The following RBFOX1 variants were observed in gnomAD, a reference collection of about 807,000 sequenced individuals.
RBFOX1 encodes RNA binding protein fox-1 homolog 1.
Under a neutral mutation model 57.7 loss-of-function variants are expected in RBFOX1, and 8 were observed. The ratio of observed to expected loss-of-function variants is 0.14; its 90% CI spans 0.08 to 0.25. The LOEUF is 0.25. Ranked by LOEUF, RBFOX1 falls within the 10% of genes least tolerant of loss-of-function variation. RBFOX1 has a pLI of 1.00. For synonymous variants in RBFOX1, 326 were observed against 222.4 expected, an observed-to-expected ratio of 1.47 and a Z score of -4.15; for missense variants, 611 against 548.5, an observed-to-expected ratio of 1.11 and a Z score of -1.14.
At chr16:6,842,034 A>T (rs1007868041) in intron 3 of RBFOX1, among the ~76,000 whole-genome samples, 5 of 151,670 alleles carry the variant, frequency 3.3e-5, no homozygotes, top group Non-Finnish European at 5.9e-5. Context: ...TCCCAGCTAC[A>T]CGGGAGGCTG....
intron 1 of RBFOX1, among the ~76,000 whole-genome samples, chr16:6,091,066 A>G (rs1389266400): frequency 6.6e-6 from 1 of 152,140 alleles, no homozygotes; most frequent in African/African-American, 2.4e-5. Context: ...AACTTTTCAA[A>G]TCTTCTTTTC....
intron 2 of RBFOX1, among the ~76,000 whole-genome samples, chr16:6,344,070 C>T (rs933315303): frequency 6.6e-6 from 1 of 152,142 alleles, no homozygotes; most frequent in African/African-American, 2.4e-5. Flanking sequence ...CCCAGTGCCA[C>T]CTGATATGCA....
chr16:7,540,574 A>G (rs1012141522), intron 5 of RBFOX1, among the ~76,000 whole-genome samples: 1 of 152,230 alleles, frequency 6.6e-6, no homozygotes, highest in Non-Finnish European at 1.5e-5. Flanking sequence ...ACATCTGATG[A>G]TCACTGACTG....
In RBFOX1 at chr16:7,103,002, C is replaced by T. The variant is rs1054338624; in HGVS notation, c.27+50904C>T. On this transcript the variant is annotated intron_variant, in intron 4 of 15. Coordinates refer to ENST00000550418, the MANE Select transcript of RBFOX1 (RefSeq NM_018723.4). ...CTGTGTGTACAGACACACACACACA[C>T]ATTTAGACACACACACGTCTATTTG... Among the ~76,000 whole-genome samples, 20 of 151,640 alleles carry T rather than the reference C, an allele frequency of 1.3e-4. 1 individual carries two copies. The highest frequency in any genetic ancestry group is 4.9e-4 in the African/African-American group (20 of 41,190).
At chr16:6,985,694 C>G (rs1285487725) in intron 3 of RBFOX1, among the ~76,000 whole-genome samples, 1 of 151,984 alleles carries the variant, frequency 6.6e-6, no homozygotes, top group Non-Finnish European at 1.5e-5. Context: ...ATTAGCCAGG[C>G]ATGGTGTCAG....
chr16:6,188,050 G>A (rs144854244), intron 1 of RBFOX1, among the ~76,000 whole-genome samples: 2 of 152,212 alleles, frequency 1.3e-5, no homozygotes, highest in East Asian at 3.9e-4. Flanking sequence ...GTCCACGAAG[G>A]ATCCTCACTA....
At chr16:6,476,859 T>G (rs981731395) in intron 2 of RBFOX1, among the ~76,000 whole-genome samples, 4 of 152,248 alleles carry the variant, frequency 2.6e-5, no homozygotes, top group African/African-American at 9.6e-5. Flanking sequence ...TTGCTACTGC[T>G]TAATCAACTA....
chr16:5,433,819 T>C (rs756666519), intron 1 of RBFOX1, among the ~76,000 whole-genome samples: 1 of 152,132 alleles, frequency 6.6e-6, no homozygotes, highest in Non-Finnish European at 1.5e-5. Flanking sequence ...GCATGGTGCA[T>C]ACCAGCACAG....
chr16:5,868,183 C>G (rs1402565635), intron 4 of RBFOX1, among the ~76,000 whole-genome samples: 1 of 152,164 alleles, frequency 6.6e-6, no homozygotes, highest in Admixed American at 6.5e-5. Context: ...ATGCCCAGCA[C>G]GATAGAGCCG....
At chr16:6,995,318 G>A (rs2092094172) in intron 3 of RBFOX1, among the ~76,000 whole-genome samples, 1 of 151,594 alleles carries the variant, frequency 6.6e-6, no homozygotes, top group Non-Finnish European at 1.5e-5. Context: ...GTGTGTGTGT[G>A]TGTGTGTGTG....
rs192862615 is a variant in RBFOX1, at chr16:7,337,930, G to A, written c.28-180217G>A. Among the ~76,000 whole-genome samples, 40 of 152,310 alleles carry A rather than the reference G, an allele frequency of 2.6e-4. No homozygotes were observed. The East Asian group carries it at 5.4e-3, about 21-fold the overall frequency. ...GAACTCTTGACCTCATGATCTGCCC[G>A]CCTTGGCCTCCCAGAGTACTGGGAT... is the stretch of plus-strand genomic sequence containing the variant. On this transcript the variant is annotated intron_variant, in intron 4 of 15. Coordinates refer to ENST00000550418, the MANE Select transcript of RBFOX1 (RefSeq NM_018723.4).
intron 3 of RBFOX1, among the ~76,000 whole-genome samples, chr16:6,835,940 G>A (rs963616327): frequency 1.3e-5 from 2 of 152,020 alleles, no homozygotes; most frequent in Non-Finnish European, 2.9e-5. Context: ...ATGATAAAGA[G>A]CAGCACCTCC....
chr16:6,108,395 A>G (rs2096407087), intron 1 of RBFOX1, among the ~76,000 whole-genome samples: 1 of 152,130 alleles, frequency 6.6e-6, no homozygotes, highest in Admixed American at 6.5e-5. Context: ...GGTGGTTGTG[A>G]TATGAGGGTG....
At chr16:5,720,624 A>G (rs1156584262) in intron 3 of RBFOX1, among the ~76,000 whole-genome samples, 1 of 152,286 alleles carries the variant, frequency 6.6e-6, no homozygotes, top group African/African-American at 2.4e-5. Flanking sequence ...TGGTGGAAGG[A>G]GATCCAACTT....
chr16:5,946,204 C>T lies in RBFOX1; in HGVS notation c.351+78869C>T, dbSNP rs1441941209. On this transcript the variant is annotated intron_variant, in intron 4 of 19. Coordinates refer to the RBFOX1 transcript ENST00000641259. This position sits in a 1 kb window ranked among gnomAD's most constrained non-coding sequence, Gnocchi z 4.6. ...CAGACGGCCCGAGGTGGGGGCCAGGCTCTGCCACATTAGATGCCTTCACGT... is the reference window on the plus strand; with the variant it reads ...CAGACGGCCCGAGGTGGGGGCCAGGTTCTGCCACATTAGATGCCTTCACGT... 6.6e-6 allele frequency among the ~76,000 whole-genome samples: 1 copy of T among 152,210 alleles called. No individual in the cohort carries two copies. The highest frequency in any genetic ancestry group is 2.1e-4 in the South Asian group (1 of 4,832).
chr16:5,983,957 TCTTCTTC>T lies in RBFOX1; in HGVS notation c.351+116632_351+116638del, dbSNP rs532216321. On this transcript the variant is annotated intron_variant, in intron 4 of 19. Transcript: ENST00000641259. Reference sequence around the variant, plus strand: ...CTCCTCCTCCTCTTCCTCCTCTTCTTCTTCTTCCTTCTTCCTCTTCTTCTTCCTCCCA... The same window carrying T: ...CTCCTCCTCCTCTTCCTCCTCTTCTTCTTCTTCCTCTTCTTCTTCCTCCCA... Among the ~76,000 whole-genome samples the T allele has an allele frequency of 2.8e-3, 368 of 129,424 alleles. 1 individual carries two copies. Among genetic ancestry groups the T allele is most frequent in the African/African-American group, 9.9e-3 (338 of 34,012 alleles). 84.9% of individuals were successfully genotyped at this position (129,424 alleles called of 152,430 possible).
At chr16:6,786,710 T>C (rs1461001268) in intron 3 of RBFOX1, among the ~76,000 whole-genome samples, 2 of 152,280 alleles carry the variant, frequency 1.3e-5, no homozygotes, top group Admixed American at 6.5e-5. Context: ...ACCCTAGCAC[T>C]ACGGTGCTCC....
chr16:5,687,204 G>C (rs2050530911), intron 3 of RBFOX1, among the ~76,000 whole-genome samples: 1 of 152,170 alleles, frequency 6.6e-6, no homozygotes. Context: ...AGACAATTAA[G>C]GTTGAATGTG....
intron 2 of RBFOX1, among the ~76,000 whole-genome samples, chr16:6,495,747 G>T (rs2153155773): frequency 6.6e-6 from 1 of 152,200 alleles, no homozygotes. Context: ...GCTCTCAATA[G>T]CAGTATGTTC....
Sources: allele counts gnomAD v4.1 joint callset (sites outside exome capture counted in the v4.1 genomes callset), GRCh38; gene constraint gnomAD v4.1.1; non-coding constraint Gnocchi (gnomAD v3.1); transcripts MANE v1.5; gene names NCBI Gene and HGNC (gene_info 2026-07-23, HGNC 2026-07-21).